Variants in ZNF148 observed in about 807,000 individuals in gnomAD.
The protein encoded by ZNF148 is zinc finger protein 148.
ZNF148 carries 7 observed loss-of-function variants against 67.7 expected under a neutral mutation model. The observed-to-expected ratio is 0.10, with a 90% CI of 0.06 to 0.19. The LOEUF (loss-of-function observed/expected upper bound fraction) is 0.19. ZNF148 is among the 10% of genes least tolerant of loss of function. ZNF148 has a pLI of 1.00. For synonymous variants in ZNF148, 333 were observed against 330.7 expected (o/e 1.01, Z -0.08); for missense variants, 583 against 947.1 (o/e 0.62, Z 5.05).
chr3:125,374,615 C>A (rs1942999761), intron 1 of ZNF148, among the ~76,000 whole-genome samples: 1 of 152,078 alleles, frequency 6.6e-6, no homozygotes, highest in Admixed American at 6.5e-5. Context: ...ACGTTTCCTG[C>A]AAGCATTCCC....
chr3:125,342,043 G>C (rs1644077719), intron 1 of ZNF148, among the ~76,000 whole-genome samples: 2 of 151,272 alleles, frequency 1.3e-5, no homozygotes. Context: ...CGTTGAACTT[G>C]AGGACAGAAA....
intron 1 of ZNF148, among the ~76,000 whole-genome samples, chr3:125,373,933 C>G (rs1390402418): frequency 6.6e-6 from 1 of 152,208 alleles, no homozygotes; most frequent in Non-Finnish European, 1.5e-5. Context: ...TAATACGGCA[C>G]CAATTCTCCT....
chr3:125,314,372 T>C (rs947310629), intron 3 of ZNF148, among the ~76,000 whole-genome samples: 1 of 152,152 alleles, frequency 6.6e-6, no homozygotes, highest in Non-Finnish European at 1.5e-5. Flanking sequence ...TAAACAAAGG[T>C]AGACACAGAA....
intron 1 of ZNF148, among the ~76,000 whole-genome samples, chr3:125,349,730 C>T (rs1942069372): frequency 6.6e-6 from 1 of 152,162 alleles, no homozygotes; most frequent in African/African-American, 2.4e-5. Flanking sequence ...AATCCCAGCA[C>T]TTCAGGAGGC....
intron 1 of ZNF148, among the ~76,000 whole-genome samples, chr3:125,345,717 T>C (rs1204233871): frequency 6.6e-6 from 1 of 152,064 alleles, no homozygotes; most frequent in Admixed American, 6.5e-5. Flanking sequence ...TGCTCTTAAA[T>C]TTGACACCAA....
chr3:125,356,128 T>C (rs1384089904), intron 1 of ZNF148, among the ~76,000 whole-genome samples: 1 of 152,234 alleles, frequency 6.6e-6, no homozygotes, highest in Non-Finnish European at 1.5e-5. Flanking sequence ...GAAGTACCAC[T>C]GGGTAATATA....
intron 1 of ZNF148, among the ~76,000 whole-genome samples, chr3:125,338,266 A>G (rs921756424): frequency 6.6e-6 from 1 of 152,296 alleles, no homozygotes; most frequent in Non-Finnish European, 1.5e-5. Flanking sequence ...TCAAAGTTCA[A>G]TGTAACACCA....
At chr3:125,344,411 G>A (rs780771181) in intron 1 of ZNF148, 2 of 723,974 alleles carry the variant, frequency 2.8e-6, no homozygotes, top group Admixed American at 3.6e-5. Context: ...GGCCTCCTCA[G>A]GGACCCCATT....
Position 125,227,541 on chromosome 3 carries a change from T to C in ZNF148, c.*4800A>G, listed in dbSNP as rs1261489989. ...CAGATTTTCAGATTAAATTCAGCACTACACAGTATGCCCTTGAAGTAAAAT... is the reference window on the plus strand; with the variant it reads ...CAGATTTTCAGATTAAATTCAGCACCACACAGTATGCCCTTGAAGTAAAAT... On this transcript the variant is annotated 3_prime_UTR_variant, in exon 9 of 9. Coordinates refer to ENST00000360647, the MANE Select transcript of ZNF148 (RefSeq NM_021964.3). The C allele has an allele frequency of 6.6e-6, 1 of 152,620 alleles. No homozygotes were observed. Among genetic ancestry groups the C allele is most frequent in the Non-Finnish European group, 1.5e-5 (1 of 68,026 alleles). 9.5% of individuals were successfully genotyped at this position (152,620 alleles called of 1,614,324 possible).
Position 125,241,683 on chromosome 3 carries a change from C to T in ZNF148, c.668-7354G>A, listed in dbSNP as rs184944244. Reference sequence around the variant, plus strand: ...TATTTAATCAATCCTCTATCATTTCCCAACATTTGCTATTATGATTTTGTA... The same window carrying T: ...TATTTAATCAATCCTCTATCATTTCTCAACATTTGCTATTATGATTTTGTA... On this transcript the variant is annotated intron_variant, in intron 7 of 8. Transcript: ENST00000360647. 2.3e-4 allele frequency among the ~76,000 whole-genome samples: 35 copies of T among 152,236 alleles called. No homozygotes were observed. In the East Asian group the frequency reaches 6.7e-3, roughly 29 times the overall value.
At chr3:125,328,184 A>G (rs982986741) in intron 2 of ZNF148, among the ~76,000 whole-genome samples, 2 of 152,188 alleles carry the variant, frequency 1.3e-5, no homozygotes, top group African/African-American at 4.8e-5. Context: ...TTAGAGACTC[A>G]TGTCATTCAG....
intron 7 of ZNF148, among the ~76,000 whole-genome samples, chr3:125,265,138 C>T (rs927611469): frequency 1.3e-5 from 2 of 152,228 alleles, no homozygotes; most frequent in African/African-American, 2.4e-5. Flanking sequence ...TAGTCTGTTA[C>T]TACTGCTTAT....
intron 1 of ZNF148, among the ~76,000 whole-genome samples, chr3:125,366,670 G>A (rs920805471): frequency 3.3e-5 from 5 of 152,054 alleles, no homozygotes; most frequent in Admixed American, 1.3e-4. Context: ...TTAGATAGAA[G>A]TGTGACATGT....
At chr3:125,253,555 T>A (rs1936939346) in intron 7 of ZNF148, among the ~76,000 whole-genome samples, 1 of 152,136 alleles carries the variant, frequency 6.6e-6, no homozygotes, top group Admixed American at 6.5e-5. Flanking sequence ...ATTAAATAAT[T>A]CAATAGTTGT....
intron 1 of ZNF148, among the ~76,000 whole-genome samples, chr3:125,359,075 C>CTGAG (rs1319763042): frequency 6.6e-6 from 1 of 152,228 alleles, no homozygotes; most frequent in African/African-American, 2.4e-5. Flanking sequence ...AAGGTCCAGT[C>CTGAG]TGAGGCACAT....
intron 1 of ZNF148, among the ~76,000 whole-genome samples, chr3:125,354,465 A>G (rs1206230767): frequency 6.6e-6 from 1 of 152,218 alleles, no homozygotes; most frequent in Non-Finnish European, 1.5e-5. Context: ...CTGACAATAC[A>G]CTGCTTAAGC....
chr3:125,263,504 T>C (rs201055997), intron 7 of ZNF148, among the ~76,000 whole-genome samples: 1 of 151,898 alleles, frequency 6.6e-6, no homozygotes, highest in East Asian at 1.9e-4. Flanking sequence ...TGAGCCAAGA[T>C]TGTGCCACTG....
intron 3 of ZNF148, among the ~76,000 whole-genome samples, chr3:125,321,047 GTA>G (rs1410377054): frequency 3.9e-5 from 6 of 152,108 alleles, no homozygotes; most frequent in Non-Finnish European, 7.4e-5. Flanking sequence ...TCCTTGAAAA[GTA>G]TAGTTTTGAT....
At chr3:125,278,181 T>C (rs1473070843) in intron 6 of ZNF148, among the ~76,000 whole-genome samples, 2 of 152,164 alleles carry the variant, frequency 1.3e-5, no homozygotes, top group East Asian at 3.8e-4. Context: ...CCATCCTGTT[T>C]TCTCCCTAGT....
Sources: gnomAD v4.1 joint callset for allele counts (sites outside exome capture counted in the v4.1 genomes callset) on GRCh38, gnomAD v4.1.1 for gene constraint, MANE v1.5 for transcripts, NCBI Gene and HGNC (gene_info 2026-07-23, HGNC 2026-07-21) for gene names.